The following IL19 variants were observed in gnomAD, a reference collection of about 807,000 sequenced individuals.
IL19 encodes the protein interleukin-19.
Under a neutral mutation model 19.5 loss-of-function variants are expected in IL19, and 15 were observed. That is an observed-to-expected ratio of 0.77 (90% CI 0.52 to 1.19). The LOEUF is 1.19. Among genes scored for constraint, IL19 ranks in the 50% most tolerant of loss-of-function variants. The probability of loss-of-function intolerance (pLI) is 0.00; values close to 1 mark genes in which losing one functional copy is unlikely to be tolerated. For synonymous variants in IL19, 78 were observed against 78.3 expected (o/e 1.00, Z 0.02); for missense variants, 199 against 213.1 (o/e 0.93, Z 0.41).
At chr1:206,803,917 A>G (rs1325529046) in intron 2 of IL19, among the ~76,000 whole-genome samples, 1 of 152,218 alleles carries the variant, frequency 6.6e-6, no homozygotes, top group Admixed American at 6.5e-5. Context: ...GGAACAACTA[A>G]TCTGGCATTG....
intron 5 of IL19, chr1:206,840,203 A>C (rs1460895834): frequency 2.8e-6 from 2 of 709,560 alleles, no homozygotes; most frequent in Non-Finnish European, 5.1e-6. Flanking sequence ...ACAACTCCTC[A>C]GATGGTCTCC....
At chr1:206,812,273 C>A (rs991836258) in intron 2 of IL19, among the ~76,000 whole-genome samples, 1 of 152,230 alleles carries the variant, frequency 6.6e-6, no homozygotes, top group Non-Finnish European at 1.5e-5. Context: ...TCATAGCCTA[C>A]TCACAGAATT....
At chr1:206,824,621 C>T (rs970089944) in intron 2 of IL19, among the ~76,000 whole-genome samples, 3 of 152,176 alleles carry the variant, frequency 2.0e-5, no homozygotes, top group African/African-American at 7.2e-5. Context: ...CTGGTTTTCC[C>T]AAGATCACAG....
chr1:206,824,190 C>T (rs1446163871), intron 2 of IL19, among the ~76,000 whole-genome samples: 3 of 152,154 alleles, frequency 2.0e-5, no homozygotes, highest in Non-Finnish European at 2.9e-5. Context: ...GGAGGAGGCT[C>T]GGACGGAGTT....
chr1:206,778,470 G>C (rs1271254296), intron 1 of IL19, among the ~76,000 whole-genome samples: 4 of 152,068 alleles, frequency 2.6e-5, no homozygotes, highest in African/African-American at 7.2e-5. Context: ...CTGTCCCTCT[G>C]GTGCGCTTTA....
intron 2 of IL19, among the ~76,000 whole-genome samples, chr1:206,799,411 C>T (rs992158742): frequency 1.2e-4 from 19 of 152,170 alleles, no homozygotes; most frequent in African/African-American, 4.6e-4. Context: ...TGGGGTGTCT[C>T]AGAATATCCA....
chr1:206,836,862 T>G, intron 3 of IL19, 56 bp downstream of exon 3: 1 of 1,609,010 alleles, frequency 6.2e-7, no homozygotes, highest in South Asian at 1.1e-5. Flanking sequence ...CCCTTACATC[T>G]TAGCTTGAAA....
At chr1:206,800,395 T>C (rs550546600) in intron 2 of IL19, among the ~76,000 whole-genome samples, 6 of 152,314 alleles carry the variant, frequency 3.9e-5, no homozygotes, top group Admixed American at 1.3e-4. Context: ...AGATGAATGC[T>C]CCGATATGTT....
intron 1 of IL19, among the ~76,000 whole-genome samples, chr1:206,777,021 G>A (rs1468962974): frequency 6.6e-6 from 1 of 151,624 alleles, no homozygotes; most frequent in Non-Finnish European, 1.5e-5. Flanking sequence ...CACGAGGTCA[G>A]GAGATTGAGA....
At chr1:206,788,961 G>GCACA (rs1185001179) in intron 1 of IL19, among the ~76,000 whole-genome samples, 1 of 152,222 alleles carries the variant, frequency 6.6e-6, no homozygotes, top group Non-Finnish European at 1.5e-5. Context: ...GCTTTCCTGG[G>GCACA]TCTGGTCAGT....
chr1:206,819,054 G>A (rs1441041777), intron 2 of IL19, among the ~76,000 whole-genome samples: 5 of 151,210 alleles, frequency 3.3e-5, no homozygotes, highest in Non-Finnish European at 7.4e-5. Flanking sequence ...CTCGTGATCT[G>A]CCTGCCTTGG....
intron 1 of IL19, among the ~76,000 whole-genome samples, chr1:206,793,985 C>T (rs1483605514): frequency 6.6e-6 from 1 of 152,138 alleles, no homozygotes; most frequent in Non-Finnish European, 1.5e-5. Context: ...GTCAAGAGGG[C>T]AGATCCCTAA....
At chr1:206,834,927 A>AT (rs1387167623) in intron 2 of IL19, among the ~76,000 whole-genome samples, 1 of 152,082 alleles carries the variant, frequency 6.6e-6, no homozygotes, top group African/African-American at 2.4e-5. Context: ...AGGTTACTTC[A>AT]TTTTTTTGGT....
At chr1:206,789,229 A>G (rs921732595) in intron 1 of IL19, among the ~76,000 whole-genome samples, 1 of 152,222 alleles carries the variant, frequency 6.6e-6, no homozygotes, top group African/African-American at 2.4e-5. Context: ...GTTGAACTGA[A>G]GAAGATGCTC....
At chr1:206,792,881 G>A (rs775104113) in intron 1 of IL19, among the ~76,000 whole-genome samples, 1 of 152,208 alleles carries the variant, frequency 6.6e-6, no homozygotes, top group East Asian at 1.9e-4. Flanking sequence ...GGGCAGTGTG[G>A]CTGCAGAGGC....
At chr1:206,775,667 A>C (rs1279461508) in intron 1 of IL19, among the ~76,000 whole-genome samples, 1 of 152,180 alleles carries the variant, frequency 6.6e-6, no homozygotes, top group East Asian at 1.9e-4. Flanking sequence ...CCTATTTCTC[A>C]AGTTTTTGAA....
intron 1 of IL19, among the ~76,000 whole-genome samples, chr1:206,784,652 G>A (rs1405958950): frequency 2.0e-5 from 3 of 152,218 alleles, no homozygotes; most frequent in Non-Finnish European, 4.4e-5. Context: ...TTTTCCTCAA[G>A]AGCATGGCCC....
intron 5 of IL19, 134 bp from the exon 6 acceptor site, chr1:206,840,870 C>T: frequency 1.4e-6 from 1 of 715,402 alleles, no homozygotes; most frequent in Non-Finnish European, 2.5e-6. Context: ...CGTGGCTGCT[C>T]CCACCTGAGT....
At chr1:206,776,964 G>C (rs1043510539) in intron 1 of IL19, among the ~76,000 whole-genome samples, 6 of 150,524 alleles carry the variant, frequency 4.0e-5, no homozygotes, top group Admixed American at 6.6e-5. Context: ...GGGCACGGTG[G>C]CTCACGCCTG....
Sources: gnomAD v4.1 joint callset for allele counts (sites outside exome capture counted in the v4.1 genomes callset) on GRCh38, gnomAD v4.1.1 for gene constraint, MANE v1.5 for transcripts, NCBI Gene and HGNC (gene_info 2026-07-23, HGNC 2026-07-21) for gene names.